Variants in STPG2 observed in about 807,000 individuals in gnomAD.
STPG2 encodes the protein sperm-tail PG-rich repeat-containing protein 2.
In STPG2, 56 loss-of-function variants were observed where a neutral mutation model predicts 54.2. That is an observed-to-expected ratio of 1.03 (90% CI 0.83 to 1.29). STPG2 has a LOEUF of 1.29. Ranked by LOEUF, STPG2 falls within the 50% of genes most tolerant of loss-of-function variation. The pLI is 0.00. For missense variants in STPG2, 596 were observed against 544.9 expected (o/e 1.09, Z -0.93); for synonymous variants, 200 against 181.8 (o/e 1.10, Z -0.81).
chr4:97,620,487 G>T (rs566154160), intron 10 of STPG2, among the ~76,000 whole-genome samples: 1 of 152,042 alleles, frequency 6.6e-6, no homozygotes, highest in Non-Finnish European at 1.5e-5. Context: ...TCAAATCAAG[G>T]GTGGCTGGTC....
intron 10 of STPG2, among the ~76,000 whole-genome samples, chr4:97,649,956 G>A (rs1308106303): frequency 6.6e-6 from 1 of 152,040 alleles, no homozygotes. Context: ...TGGGAGCCCT[G>A]AGCTTGTTTT....
chr4:97,765,981 T>C (rs940982343), intron 9 of STPG2, among the ~76,000 whole-genome samples: 2 of 152,108 alleles, frequency 1.3e-5, no homozygotes, highest in African/African-American at 2.4e-5. Context: ...TAGAGGGAAC[T>C]TTCTAACTTG....
intron 8 of STPG2, among the ~76,000 whole-genome samples, chr4:97,847,171 A>G (rs1222984598): frequency 2.0e-5 from 3 of 152,144 alleles, no homozygotes; most frequent in Non-Finnish European, 4.4e-5. Context: ...CAATTTGCCA[A>G]TCTGCTTATC....
chr4:97,720,171 T>C (rs1396864645), intron 9 of STPG2, among the ~76,000 whole-genome samples: 2 of 151,962 alleles, frequency 1.3e-5, no homozygotes, highest in South Asian at 2.1e-4. Context: ...TAAACCTAAA[T>C]TGAAATTCAA....
At chr4:97,789,957 A>G (rs963312216) in intron 9 of STPG2, among the ~76,000 whole-genome samples, 1 of 152,222 alleles carries the variant, frequency 6.6e-6, no homozygotes, top group African/African-American at 2.4e-5. Context: ...CATTAAAGAA[A>G]TAACTGATAT....
rs983252971 is a variant in STPG2 at position 97,861,605 on chromosome 4, C to T, written c.1045-20673G>A. On this transcript the variant is annotated intron_variant, in intron 8 of 10. Coordinates refer to ENST00000295268, the MANE Select transcript of STPG2 (RefSeq NM_174952.3). ...GGCCAAAATCTGGAAGCAACTTACG[C>T]GTCCATCAGGAGACAAATGGATAAA... Among the ~76,000 whole-genome samples, 11 of 152,068 alleles carry T rather than the reference C, an allele frequency of 7.2e-5. No individual in the cohort carries two copies. The South Asian group carries it at 1.0e-3, about 14-fold the overall frequency.
intron 8 of STPG2, among the ~76,000 whole-genome samples, chr4:97,895,677 C>T (rs1730929099): frequency 6.6e-6 from 1 of 151,726 alleles, no homozygotes; most frequent in Non-Finnish European, 1.5e-5. Flanking sequence ...CTAATAAAAT[C>T]CCCTTCCCTT....
At chr4:97,547,370 C>T (rs1379338542) in intron 4 of STPG2, among the ~76,000 whole-genome samples, 1 of 152,170 alleles carries the variant, frequency 6.6e-6, no homozygotes, top group Non-Finnish European at 1.5e-5. Flanking sequence ...GCCACCACAT[C>T]TGGCTAATTT....
chr4:97,917,317 C>T (rs1731917282), intron 8 of STPG2: 1 of 152,218 alleles, frequency 6.6e-6, no homozygotes, highest in African/African-American at 2.4e-5. Context: ...CAAATCACAG[C>T]GCGGTAGTGC....
At chr4:98,069,915 C>A (rs35066600) in intron 5 of STPG2, among the ~76,000 whole-genome samples, 47,931 of 151,694 alleles carry the variant, frequency 0.32, 7,774 homozygotes, top group Middle Eastern at 0.36. Flanking sequence ...TAAGGATGGG[C>A]AGGTTTGCCA....
intron 8 of STPG2, among the ~76,000 whole-genome samples, chr4:97,939,488 T>A (rs1315930366): frequency 1.3e-5 from 2 of 152,228 alleles, no homozygotes; most frequent in Non-Finnish European, 2.9e-5. Context: ...GTTCTCTTTG[T>A]TGGGTGCATA....
intron 10 of STPG2, among the ~76,000 whole-genome samples, chr4:97,608,092 A>G (rs1244917366): frequency 6.6e-6 from 1 of 152,038 alleles, no homozygotes; most frequent in Non-Finnish European, 1.5e-5. Context: ...GATAGCAACT[A>G]CACAATATCC....
chr4:98,127,436 C>A (rs1209034050), intron 3 of STPG2, among the ~76,000 whole-genome samples: 1 of 152,140 alleles, frequency 6.6e-6, no homozygotes, highest in East Asian at 1.9e-4. Flanking sequence ...TATGTCTAAG[C>A]CCAAAGATGT....
chr4:97,592,980 T>C (rs913067293), intron 10 of STPG2, among the ~76,000 whole-genome samples: 4 of 152,124 alleles, frequency 2.6e-5, no homozygotes, highest in Non-Finnish European at 4.4e-5. Flanking sequence ...CATGCTCCTC[T>C]AAGAGACTTT....
chr4:97,889,809 G>A (rs1220452742), intron 8 of STPG2, among the ~76,000 whole-genome samples: 2 of 152,032 alleles, frequency 1.3e-5, no homozygotes, highest in African/African-American at 4.8e-5. Flanking sequence ...AAAATCCTAA[G>A]AGAGTGACAT....
intron 4 of STPG2, among the ~76,000 whole-genome samples, chr4:97,494,059 A>G (rs189778066): frequency 1.2e-3 from 176 of 151,610 alleles, no homozygotes; most frequent in African/African-American, 4.0e-3. Flanking sequence ...CGTTTAAGAA[A>G]ATTGTCCCAC....
At chr4:97,740,450 T>A (rs1473009691) in intron 9 of STPG2, among the ~76,000 whole-genome samples, 1 of 152,260 alleles carries the variant, frequency 6.6e-6, no homozygotes, top group East Asian at 1.9e-4. Flanking sequence ...CATGATTGTA[T>A]ATCTAGAAAA....
At chr4:97,852,737 A>G (rs940833392) in intron 8 of STPG2, among the ~76,000 whole-genome samples, 7 of 152,152 alleles carry the variant, frequency 4.6e-5, no homozygotes, top group African/African-American at 1.2e-4. Flanking sequence ...GTAAAGAGAA[A>G]GGAGAAAAAT....
At chr4:97,884,987 G>A (rs901394799) in intron 8 of STPG2, among the ~76,000 whole-genome samples, 1 of 151,984 alleles carries the variant, frequency 6.6e-6, no homozygotes. Context: ...CATCCCTACA[G>A]ACAAAGATAG....
Sources: allele counts gnomAD v4.1 joint callset (sites outside exome capture counted in the v4.1 genomes callset), GRCh38; gene constraint gnomAD v4.1.1; transcripts MANE v1.5; gene names NCBI Gene and HGNC (gene_info 2026-07-23, HGNC 2026-07-21).